Variants in OR6C1 observed in about 807,000 individuals in gnomAD.
OR6C1 encodes the protein olfactory receptor 6C1.
For synonymous variants in OR6C1, 157 were observed against 133.3 expected (o/e 1.18, Z -1.22); for missense variants, 386 against 366.1 (o/e 1.05, Z -0.44).
intron 1 of OR6C1, among the ~76,000 whole-genome samples, chr12:55,314,829 A>G (rs1460092187): frequency 6.6e-6 from 1 of 151,706 alleles, no homozygotes; most frequent in Admixed American, 6.6e-5. Context: ...AAATATAGCT[A>G]TATAGTACTG....
chr12:55,314,892 T>C (rs149032508), intron 1 of OR6C1, among the ~76,000 whole-genome samples: 372 of 151,768 alleles, frequency 2.5e-3, no homozygotes, highest in Non-Finnish European at 4.0e-3. Flanking sequence ...TTTGCCTAGC[T>C]ATATGAATTA....
chr12:55,320,688 T>C lies in OR6C1; in HGVS notation c.89T>C (p.Leu30Pro). The C allele has an allele frequency of 3.7e-6, 6 of 1,613,862 alleles. No individual in the cohort carries two copies. Among genetic ancestry groups the C allele is most frequent in the Non-Finnish European group, 5.1e-6 (6 of 1,179,782 alleles). Reference protein sequence around the residue: ...NFQVVIFVFLLITYMLSITGN... With the variant: ...NFQVVIFVFLPITYMLSITGN... Reference sequence around the variant, plus strand: ...CAGGTTGTAATCTTTGTCTTCCTGCTCATCACCTACATGCTCAGCATCACT... The same window carrying C: ...CAGGTTGTAATCTTTGTCTTCCTGCCCATCACCTACATGCTCAGCATCACT... The change falls in exon 2 of 2, where the codon CTC becomes CCC. Residue 30 changes from leucine to proline, a missense_variant. By Grantham distance (98) the Leu-to-Pro change is moderately conservative (BLOSUM62 -3). Transcript: ENST00000642104.
intron 1 of OR6C1, among the ~76,000 whole-genome samples, chr12:55,320,098 A>ATG (rs1868500974): frequency 6.6e-6 from 1 of 152,062 alleles, no homozygotes; most frequent in Non-Finnish European, 1.5e-5. Context: ...CCAAGATTGC[A>ATG]CCAGTGCACT....
chr12:55,315,143 A>G (rs771169459), intron 1 of OR6C1, among the ~76,000 whole-genome samples: 1 of 151,350 alleles, frequency 6.6e-6, no homozygotes, highest in South Asian at 2.1e-4. Flanking sequence ...ACACTTATTT[A>G]TAGTATTTCA....
Position 55,321,112 on chromosome 12 carries a change from T to G in OR6C1, c.513T>G (p.Ile171Met). ...LLKLHYCRSN[I>M]IDHFTCDYFP... is the part of the protein sequence containing the mutation. ...AGCTTCATTACTGTAGGTCTAATAT[T>G]ATTGACCATTTTACCTGTGATTATT... is the stretch of plus-strand genomic sequence containing the variant. The change falls in exon 2 of 2, where the codon ATT becomes ATG. Residue 171 changes from isoleucine to methionine, a missense_variant. Ile to Met is a conservative substitution (Grantham distance 10, BLOSUM62 1). Coordinates refer to ENST00000642104, the MANE Select transcript of OR6C1 (RefSeq NM_001005182.2). The G allele has an allele frequency of 6.2e-7, 1 of 1,613,228 alleles. No individual in the cohort carries two copies. The highest frequency in any genetic ancestry group is 8.5e-7 in the Non-Finnish European group (1 of 1,179,234).
rs188658708 is a variant in OR6C1, at chr12:55,316,247, A to G, written c.-34+1648A>G. 3.3e-3 allele frequency among the ~76,000 whole-genome samples: 505 copies of G among 151,758 alleles called. 4 individuals are homozygous for G. The highest frequency in any genetic ancestry group is 0.011 in the African/African-American group (468 of 41,496). ...TAACAGTCCCTTTCTTACCAGGCAC[A>G]TCAAATAACTGCCAATATTTAACCT... On this transcript the variant is annotated intron_variant, in intron 1 of 1. Coordinates refer to ENST00000642104, the MANE Select transcript of OR6C1 (RefSeq NM_001005182.2).
At chr12:55,319,295 G>C (rs1008710446) in intron 1 of OR6C1, among the ~76,000 whole-genome samples, 10 of 152,086 alleles carry the variant, frequency 6.6e-5, no homozygotes, top group African/African-American at 2.4e-4. Context: ...TTTCAATAAA[G>C]TGGACGTAGG....
At chr12:55,318,570 T>G (rs1410384917) in intron 1 of OR6C1, among the ~76,000 whole-genome samples, 1 of 150,094 alleles carries the variant, frequency 6.7e-6, no homozygotes, top group Non-Finnish European at 1.5e-5. Context: ...CAGCTTTCGC[T>G]AAATGCTAAG....
At position 55,321,249 on chromosome 12, in the gene OR6C1, T is replaced by C; in HGVS notation, c.650T>C (p.Ile217Thr). Reference sequence around the variant, plus strand: ...TTGGCATTAATATTTCTGTCCTACATATACATTATCAGAACAATTTTGAGA... The same window carrying C: ...TTGGCATTAATATTTCTGTCCTACACATACATTATCAGAACAATTTTGAGA... ...FTLALIFLSY[I>T]YIIRTILRIP... is the part of the protein sequence containing the mutation. The change falls in exon 2 of 2, where the codon ATA (isoleucine) becomes ACA (threonine). Residue 217 changes from isoleucine to threonine, a missense_variant. By Grantham distance (89) the Ile-to-Thr change is moderately conservative. Coordinates refer to ENST00000642104, the MANE Select transcript of OR6C1 (RefSeq NM_001005182.2). The C allele has an allele frequency of 1.2e-6, 2 of 1,613,968 alleles. No homozygotes were observed. The highest frequency in any genetic ancestry group is 1.7e-6 in the Non-Finnish European group (2 of 1,179,858).
At position 55,321,205 on chromosome 12, in the gene OR6C1, G is replaced by A. The variant is rs144216844; in HGVS notation, c.606G>A (p.Ala202=). The A allele has an allele frequency of 1.0e-4, 161 of 1,613,724 alleles. 1 individual carries two copies. Among genetic ancestry groups the A allele is most frequent in the East Asian group, 3.3e-4 (15 of 44,864 alleles). Residue 202 remains alanine, a synonymous_variant, in exon 2 of 2, where the codon GCG becomes GCA. Coordinates refer to ENST00000642104, the MANE Select transcript of OR6C1 (RefSeq NM_001005182.2). ...AGGTGATGGGATTTTCTTGTGCTGCGTTTACTCTAATGTTCACTTTGGCAT... is the reference window on the plus strand; with the variant it reads ...AGGTGATGGGATTTTCTTGTGCTGCATTTACTCTAATGTTCACTTTGGCAT... ...FLEVMGFSCA[A]FTLMFTLALI...
Position 55,321,033 on chromosome 12 carries a change from C to T in OR6C1, c.434C>T (p.Thr145Ile). 3 of 1,613,720 alleles carry T rather than the reference C, an allele frequency of 1.9e-6. No individual in the cohort carries two copies. The highest frequency in any genetic ancestry group is 2.5e-6 in the Non-Finnish European group (3 of 1,179,832). ...AGAGTCTGCACACTGCTTGTTTTTA[C>T]TTCTTGGCTGGTTTCATTCTTAATC... ...NRRVCTLLVF[T>I]SWLVSFLIIF... The change falls in exon 2 of 2, where the codon ACT becomes ATT. Residue 145 changes from threonine (T) to isoleucine (I), a missense_variant. By Grantham distance (89) the Thr-to-Ile change is moderately conservative. Coordinates refer to ENST00000642104, the MANE Select transcript of OR6C1 (RefSeq NM_001005182.2).
In OR6C1 at chr12:55,320,801, GA is replaced by G; in HGVS notation, c.205del (p.Ile69PhefsTer28). On this transcript the variant is annotated frameshift_variant, in exon 2 of 2. Transcript: ENST00000642104. LOFTEE classifies it low-confidence loss of function (END_TRUNC). ...CTTCCTCAGAAATTTCTCCATATTA[GA>G]AATTTCGTTCACAACCGTCAGTATA... ...YFFLRNFSIL[E>X]ISFTTVSIPK... The G allele has an allele frequency of 1.2e-6, 2 of 1,613,876 alleles. No individual in the cohort carries two copies. The highest frequency in any genetic ancestry group is 1.7e-6 in the Non-Finnish European group (2 of 1,179,968).
Position 55,320,443 on chromosome 12 carries a change from G to A in OR6C1, c.-33-124G>A, listed in dbSNP as rs186267653. On this transcript the variant is annotated intron_variant, in intron 1 of 1. Coordinates refer to ENST00000642104, the MANE Select transcript of OR6C1 (RefSeq NM_001005182.2). The stretch of plus-strand genomic sequence containing the variant: ...AAATTAAAGGACCACTGTTATTATC[G>A]GGTGGCGTTAAATTTCCCCTTGAAG... 1.4e-3 allele frequency: 837 copies of A among 583,100 alleles called. 6 individuals are homozygous for A. The highest frequency in any genetic ancestry group is 0.013 in the African/African-American group (679 of 53,580). The allele number at this position is 583,100 out of a possible 1,614,324, so 36.1% of individuals were successfully genotyped here. A position where few individuals can be genotyped will look rare whatever the true frequency, so the allele number is the denominator to read the frequency against.
chr12:55,320,794 C>T lies in OR6C1; in HGVS notation c.195C>T (p.Ser65=), dbSNP rs1259510952. 1 of 1,613,740 alleles carries T rather than the reference C, an allele frequency of 6.2e-7. No homozygotes were observed. The highest frequency in any genetic ancestry group is 8.5e-7 in the Non-Finnish European group (1 of 1,179,876). The change falls in exon 2 of 2, where the codon TCC becomes TCT. Residue 65 remains serine, a synonymous_variant. Transcript: ENST00000642104. ...TGTATTTCTTCCTCAGAAATTTCTC[C>T]ATATTAGAAATTTCGTTCACAACCG... ...TPMYFFLRNF[S]ILEISFTTVS... is the part of the protein sequence containing the mutation.
At position 55,314,408 on chromosome 12, in the gene OR6C1, A is replaced by G. The variant is rs1868379824; in HGVS notation, c.-225A>G. ...TTTTGCTCCTTTCTCACTCTCTACTATCAAAGACACATATTCTGTCTGGAT... is the reference window on the plus strand; with the variant it reads ...TTTTGCTCCTTTCTCACTCTCTACTGTCAAAGACACATATTCTGTCTGGAT... On this transcript the variant is annotated 5_prime_UTR_variant, in exon 1 of 2. Coordinates refer to ENST00000642104, the MANE Select transcript of OR6C1 (RefSeq NM_001005182.2). 6.6e-6 allele frequency: 1 copy of G among 151,532 alleles called. No individual in the cohort carries two copies. The highest frequency in any genetic ancestry group is 2.4e-5 in the African/African-American group (1 of 41,360). 9.4% of individuals were successfully genotyped at this position (151,532 alleles called of 1,614,324 possible).
chr12:55,320,950 C>T lies in OR6C1; in HGVS notation c.351C>T (p.Ser117=). ...AGTTTTACCTTCTGGCTGCCATGTC[C>T]TATGACCGCTATGTGGCCATCTGCA... is the stretch of plus-strand genomic sequence containing the variant. ...VTEFYLLAAM[S]YDRYVAICKP... The change falls in exon 2 of 2, where the codon TCC becomes TCT. Residue 117 remains serine, a synonymous_variant. Coordinates refer to ENST00000642104, the MANE Select transcript of OR6C1 (RefSeq NM_001005182.2). The T allele has an allele frequency of 6.2e-7, 1 of 1,613,852 alleles. No individual in the cohort carries two copies. The highest frequency in any genetic ancestry group is 8.5e-7 in the Non-Finnish European group (1 of 1,179,788).
intron 1 of OR6C1, among the ~76,000 whole-genome samples, chr12:55,315,154 A>T (rs945221467): frequency 4.6e-5 from 7 of 150,848 alleles, no homozygotes; most frequent in Non-Finnish European, 8.9e-5. Flanking sequence ...TAGTATTTCA[A>T]TTAATTCCCA....
chr12:55,315,568 A>G (rs925325790), intron 1 of OR6C1, among the ~76,000 whole-genome samples: 1 of 151,890 alleles, frequency 6.6e-6, no homozygotes, highest in Admixed American at 6.6e-5. Flanking sequence ...TTGAGAATTA[A>G]ACCTGCCCAT....
In OR6C1 at chr12:55,321,100, T is replaced by C. The variant is rs777296522; in HGVS notation, c.501T>C (p.Cys167=). 6.2e-7 allele frequency: 1 copy of C among 1,613,056 alleles called. No individual in the cohort carries two copies. The highest frequency in any genetic ancestry group is 1.1e-5 in the South Asian group (1 of 91,036). The part of the protein sequence containing the change: ...ALMLLLKLHY[C]RSNIIDHFTC... ...TGTTGCTTTTAAAGCTTCATTACTGTAGGTCTAATATTATTGACCATTTTA... is the reference window on the plus strand; with the variant it reads ...TGTTGCTTTTAAAGCTTCATTACTGCAGGTCTAATATTATTGACCATTTTA... Residue 167 remains cysteine, a synonymous_variant, in exon 2 of 2, where the codon TGT becomes TGC. Transcript: ENST00000642104.
Sources: allele counts gnomAD v4.1 joint callset (sites outside exome capture counted in the v4.1 genomes callset), GRCh38; gene constraint gnomAD v4.1.1; transcripts MANE v1.5; gene names NCBI Gene and HGNC (gene_info 2026-07-23, HGNC 2026-07-21).